The following BCAR3 variants were observed in gnomAD, a reference collection of about 807,000 sequenced individuals.
BCAR3 encodes the protein breast cancer anti-estrogen resistance protein 3.
Under a neutral mutation model 80.1 loss-of-function variants are expected in BCAR3, and 37 were observed. That is an observed-to-expected ratio of 0.46 (90% confidence interval 0.36 to 0.61). The LOEUF (loss-of-function observed/expected upper bound fraction) is 0.61. Among genes scored for constraint, BCAR3 ranks in the 20% least tolerant of loss-of-function variants. The probability of loss-of-function intolerance (pLI) is 0.00; values close to 1 mark genes in which losing one functional copy is unlikely to be tolerated. For missense variants in BCAR3, 978 were observed against 1,068.2 expected (o/e 0.92, Z 1.18); for synonymous variants, 389 against 418.9 (o/e 0.93, Z 0.87).
At chr1:93,728,565 A>G (rs908847626) in intron 2 of BCAR3, among the ~76,000 whole-genome samples, 17 of 152,202 alleles carry the variant, frequency 1.1e-4, no homozygotes, top group Non-Finnish European at 1.8e-4. Flanking sequence ...TTGAGTGCAG[A>G]TAGCTCTCAG....
intron 2 of BCAR3, among the ~76,000 whole-genome samples, chr1:93,643,284 G>T (rs547477775): frequency 1.7e-4 from 26 of 151,434 alleles, no homozygotes; most frequent in African/African-American, 6.3e-4. Context: ...AGCATTTTGG[G>T]GGGGCCGAGG....
rs1208398080 is a variant in BCAR3, at chr1:93,715,224, C to T, written c.-62-9082G>A. Among the ~76,000 whole-genome samples the T allele has an allele frequency of 3.9e-5, 6 of 152,204 alleles. No homozygotes were observed. In the South Asian group the frequency reaches 6.2e-4, roughly 16 times the overall value. On this transcript the variant is annotated intron_variant, in intron 2 of 13. Coordinates refer to the BCAR3 transcript ENST00000370244. Reference sequence around the variant, plus strand: ...CACTGATGTCTGGCAGTTCATCACCCCTTGTGTTTACCTACTTTCTTTTCT... The same window carrying T: ...CACTGATGTCTGGCAGTTCATCACCTCTTGTGTTTACCTACTTTCTTTTCT...
At chr1:93,804,754 T>C (rs1653606046) in intron 2 of BCAR3, among the ~76,000 whole-genome samples, 1 of 152,230 alleles carries the variant, frequency 6.6e-6, no homozygotes, top group Non-Finnish European at 1.5e-5. Flanking sequence ...AGTGAAACAG[T>C]GGATAAGGAG....
chr1:93,615,751 A>AGGCCCC (rs1366806386), intron 3 of BCAR3, among the ~76,000 whole-genome samples: 2 of 152,198 alleles, frequency 1.3e-5, no homozygotes, highest in Non-Finnish European at 2.9e-5. Flanking sequence ...AGCCAGGCCC[A>AGGCCCC]GGCCCCAGCA....
At chr1:93,685,307 G>A (rs921857023), upstream of BCAR3, among the ~76,000 whole-genome samples, 3 of 151,954 alleles carry the variant, frequency 2.0e-5, no homozygotes, top group African/African-American at 7.3e-5. Context: ...AATAAGTACT[G>A]CTATTAGTAC....
At chr1:93,614,951 G>A (rs1352373604) in intron 3 of BCAR3, among the ~76,000 whole-genome samples, 1 of 151,348 alleles carries the variant, frequency 6.6e-6, no homozygotes, top group Admixed American at 6.6e-5. Flanking sequence ...CACCTTTAGG[G>A]AAAACTAACT....
chr1:93,718,688 C>CTTTTTTT (rs71094259), intron 2 of BCAR3, among the ~76,000 whole-genome samples: 7 of 77,030 alleles, frequency 9.1e-5, no homozygotes, highest in Non-Finnish European at 1.2e-4. Flanking sequence ...CATTGTTTTT[C>CTTTTTTT]TTTTTTTTTT....
At chr1:93,822,752 T>A (rs1439951934) in intron 2 of BCAR3, among the ~76,000 whole-genome samples, 1 of 145,864 alleles carries the variant, frequency 6.9e-6, no homozygotes, top group East Asian at 2.0e-4. Context: ...TGCTACAGAG[T>A]TTGATTTTTT....
intron 3 of BCAR3, among the ~76,000 whole-genome samples, chr1:93,630,723 T>C (rs1297918937): frequency 6.6e-6 from 1 of 152,190 alleles, no homozygotes; most frequent in East Asian, 1.9e-4. Context: ...TTAGTACGGA[T>C]GTCAGGGAAG....
intron 2 of BCAR3, among the ~76,000 whole-genome samples, chr1:93,766,570 C>T (rs1383633716): frequency 1.3e-5 from 2 of 152,230 alleles, no homozygotes; most frequent in Non-Finnish European, 1.5e-5. Flanking sequence ...CGTCCAGAGC[C>T]GCTGCTGGCC....
chr1:93,763,251 T>C (rs1193866854), intron 2 of BCAR3, among the ~76,000 whole-genome samples: 14 of 151,996 alleles, frequency 9.2e-5, no homozygotes, highest in Non-Finnish European at 2.1e-4. Flanking sequence ...TTTTTTAGAG[T>C]TGGGGTCTCA....
rs1462505327 is a variant in BCAR3, at chr1:93,583,363, T to C, written c.1034-410A>G. 2.0e-5 allele frequency among the ~76,000 whole-genome samples: 3 copies of C among 152,292 alleles called. No individual in the cohort carries two copies. In the South Asian group the frequency reaches 6.2e-4, roughly 32 times the overall value. ...TCTCAAAGGGTGGATCCCAGCCAGC[T>C]TCCAAAGGAGAGCTGGAGACAGGGA... On this transcript the variant is annotated intron_variant, in intron 6 of 11. Coordinates refer to ENST00000260502, the MANE Select transcript of BCAR3 (RefSeq NM_003567.4).
intron 2 of BCAR3, among the ~76,000 whole-genome samples, chr1:93,744,678 A>T (rs1176889977): frequency 6.6e-6 from 1 of 152,140 alleles, no homozygotes; most frequent in East Asian, 1.9e-4. Context: ...CATAAAGGGG[A>T]CCAAGCCTGA....
chr1:93,594,256 C>T (rs1247523038), intron 3 of BCAR3: 1 of 152,232 alleles, frequency 6.6e-6, no homozygotes, highest in Non-Finnish European at 1.5e-5. Context: ...AAGATGCTGA[C>T]TTTGCTTAGT....
At chr1:93,658,846 T>A (rs760212834) in intron 2 of BCAR3, among the ~76,000 whole-genome samples, 12 of 152,152 alleles carry the variant, frequency 7.9e-5, no homozygotes, top group Admixed American at 4.6e-4. Context: ...CAACAAGATT[T>A]AAGATGAGTG....
intron 2 of BCAR3, among the ~76,000 whole-genome samples, chr1:93,798,975 G>T (rs1557691916): frequency 6.6e-6 from 1 of 152,180 alleles, no homozygotes; most frequent in African/African-American, 2.4e-5. Context: ...GTGGAGCAGA[G>T]AGTAAAAGTA....
At chr1:93,782,476 G>C (rs1652796546) in intron 2 of BCAR3, among the ~76,000 whole-genome samples, 1 of 152,232 alleles carries the variant, frequency 6.6e-6, no homozygotes, top group Non-Finnish European at 1.5e-5. Context: ...TGTGGTTCCA[G>C]AGAAGTCAGT....
intron 2 of BCAR3, among the ~76,000 whole-genome samples, chr1:93,809,026 G>A (rs1410368172): frequency 6.6e-6 from 1 of 152,184 alleles, no homozygotes; most frequent in Non-Finnish European, 1.5e-5. Context: ...GGCTGACAGA[G>A]GTTGGGAAGT....
intron 3 of BCAR3, chr1:93,605,659 C>T (rs886079794): frequency 1.3e-5 from 2 of 152,196 alleles, no homozygotes; most frequent in Admixed American, 6.5e-5. Context: ...CATCTTAATG[C>T]AAATTATGAA....
Sources: gnomAD v4.1 joint callset for allele counts (sites outside exome capture counted in the v4.1 genomes callset) on GRCh38, gnomAD v4.1.1 for gene constraint, MANE v1.5 for transcripts, NCBI Gene and HGNC (gene_info 2026-07-23, HGNC 2026-07-21) for gene names.